Variants in DIAPH1 observed in about 807,000 individuals in gnomAD.
DIAPH1 encodes the protein diaphanous related formin 1, also known as protein diaphanous homolog 1.
DIAPH1 carries 46 observed loss-of-function variants against 140.7 expected under a neutral mutation model. That is an observed-to-expected ratio of 0.33 (90% CI 0.26 to 0.42). The LOEUF is 0.42. Among genes scored for constraint, DIAPH1 ranks in the 10% least tolerant of loss-of-function variants. The pLI, the probability that DIAPH1 is intolerant of heterozygous loss-of-function variation, is 1.00. For synonymous variants in DIAPH1, 565 were observed against 551.6 expected, an observed-to-expected ratio of 1.02 and a Z score of -0.34; for missense variants, 1,310 against 1,558.7, an observed-to-expected ratio of 0.84 and a Z score of 2.69.
chr5:141,524,388 A>G, intron 26 of DIAPH1, 159 bp from the exon 27 acceptor site: 1 of 712,734 alleles, frequency 1.4e-6, no homozygotes, highest in Non-Finnish European at 2.5e-6. Context: ...TAAGTCTCAC[A>G]CGCTCATGTT....
intron 1 of DIAPH1, chr5:141,588,995 G>A (rs1168577413): frequency 6.6e-6 from 1 of 152,520 alleles, no homozygotes; most frequent in Non-Finnish European, 1.5e-5. Context: ...TGAATCCTTG[G>A]ATAAAACAGA....
chr5:141,539,072 C>T (rs543555251), intron 18 of DIAPH1, among the ~76,000 whole-genome samples: 3 of 151,660 alleles, frequency 2.0e-5, no homozygotes, highest in East Asian at 2.0e-4. Context: ...GCCAGGAATT[C>T]GAGACCAGCT....
chr5:141,613,826 C>T (rs1026441402), intron 1 of DIAPH1, among the ~76,000 whole-genome samples: 4 of 152,120 alleles, frequency 2.6e-5, no homozygotes, highest in Non-Finnish European at 2.9e-5. Context: ...TTATTCTTTA[C>T]TTTTCAATTT....
chr5:141,525,354 T>C (rs397327), intron 26 of DIAPH1, among the ~76,000 whole-genome samples: 19,058 of 151,556 alleles, frequency 0.13, 1,297 homozygotes, highest in South Asian at 0.18. Context: ...GTGTGAGCAG[T>C]GTATGCTGTA....
chr5:141,606,001 T>G (rs925766080), intron 1 of DIAPH1, among the ~76,000 whole-genome samples: 5 of 152,202 alleles, frequency 3.3e-5, no homozygotes, highest in Non-Finnish European at 7.3e-5. Context: ...CCTCTAAGCC[T>G]GACACACATC....
At chr5:141,617,941 G>A (rs142913726) in intron 1 of DIAPH1, among the ~76,000 whole-genome samples, 3 of 152,338 alleles carry the variant, frequency 2.0e-5, no homozygotes, top group East Asian at 1.9e-4. Context: ...TAGAAAAGGA[G>A]TAGAGGAGAC....
chr5:141,616,820 AC>A lies in DIAPH1; in HGVS notation c.117+1977del, dbSNP rs776637175. ...ACTAACACCGCAGAAAGAAAAGAGA[AC>A]TTGGTTCAGCTCCATCCTCTCTAAA... On this transcript the variant is annotated intron_variant, in intron 1 of 27. Coordinates refer to ENST00000389054, the MANE Select transcript of DIAPH1 (RefSeq NM_005219.5). Among the ~76,000 whole-genome samples, 92 of 152,308 alleles carry A rather than the reference AC, an allele frequency of 6.0e-4. 3 individuals are homozygous for A. Among genetic ancestry groups the A allele is most frequent in the Non-Finnish European group, 1.6e-4 (11 of 68,020 alleles).
chr5:141,531,315 CT>C (rs374003670), intron 19 of DIAPH1, among the ~76,000 whole-genome samples: 180 of 144,598 alleles, frequency 1.2e-3, no homozygotes, highest in Non-Finnish European at 1.3e-3. Flanking sequence ...CTCTCTCTCT[CT>C]TTTTTTTTTT....
intron 1 of DIAPH1, among the ~76,000 whole-genome samples, chr5:141,610,792 T>C (rs1461581050): frequency 6.6e-6 from 1 of 151,516 alleles, no homozygotes; most frequent in African/African-American, 2.4e-5. Flanking sequence ...TAAAAAAAAT[T>C]AGGCCAGGTG....
chr5:141,605,654 C>T (rs776669383), intron 1 of DIAPH1, among the ~76,000 whole-genome samples: 2 of 152,196 alleles, frequency 1.3e-5, no homozygotes, highest in Non-Finnish European at 2.9e-5. Flanking sequence ...TCTAATTACA[C>T]GACTTTGAGC....
intron 18 of DIAPH1, chr5:141,564,123 C>T (rs1201876321): frequency 1.3e-5 from 2 of 152,190 alleles, no homozygotes; most frequent in African/African-American, 4.8e-5. Flanking sequence ...AGAACAAAAA[C>T]CTTTCCAGCC....
At chr5:141,561,359 G>GT (rs202019719) in intron 18 of DIAPH1, among the ~76,000 whole-genome samples, 20 of 149,444 alleles carry the variant, frequency 1.3e-4, no homozygotes, top group South Asian at 2.1e-4. Flanking sequence ...AGTGAAAAGA[G>GT]TTTTGTTTTT....
chr5:141,576,737 G>C lies in DIAPH1; in HGVS notation c.1396+19C>G. 1 of 1,487,088 alleles carries C rather than the reference G, an allele frequency of 6.7e-7. No individual in the cohort carries two copies. Among genetic ancestry groups the C allele is most frequent in the South Asian group, 1.1e-5 (1 of 88,564 alleles). The allele number at this position is 1,487,088 out of a possible 1,614,324, so 92.1% of individuals were successfully genotyped here. A position where few individuals can be genotyped will look rare whatever the true frequency, so the allele number is the denominator to read the frequency against. On this transcript the variant is annotated intron_variant, in intron 13 of 27. Transcript: ENST00000389054. ...GAAGAAGCAATACTTGGAGGAGCCAGATAGAAGAGTATGCTTACCAATTAA... is the reference window on the plus strand; with the variant it reads ...GAAGAAGCAATACTTGGAGGAGCCACATAGAAGAGTATGCTTACCAATTAA...
chr5:141,611,669 T>C (rs938755555), intron 1 of DIAPH1, among the ~76,000 whole-genome samples: 1 of 152,040 alleles, frequency 6.6e-6, no homozygotes, highest in African/African-American at 2.4e-5. Context: ...GGACGATACA[T>C]AGATAGCAAA....
At chr5:141,552,302 G>A (rs751777778) in intron 18 of DIAPH1, among the ~76,000 whole-genome samples, 5 of 151,794 alleles carry the variant, frequency 3.3e-5, no homozygotes, top group African/African-American at 4.8e-5. Context: ...CAATCCTCCC[G>A]CCTCAGCCTC....
At chr5:141,563,093 A>T (rs2099893842) in intron 18 of DIAPH1, 1 of 152,294 alleles carries the variant, frequency 6.6e-6, no homozygotes, top group Non-Finnish European at 1.5e-5. Flanking sequence ...GTGTTGTACA[A>T]GCCCCAGTCC....
chr5:141,566,871 G>T (rs1263391759), intron 18 of DIAPH1, among the ~76,000 whole-genome samples: 1 of 150,786 alleles, frequency 6.6e-6, no homozygotes, highest in Admixed American at 6.6e-5. Flanking sequence ...CTCCAGTCTG[G>T]GCAACAGAGC....
chr5:141,576,179 T>C, intron 14 of DIAPH1, 51 bp downstream of exon 14: 1 of 1,398,210 alleles, frequency 7.2e-7, no homozygotes, highest in Non-Finnish European at 1.0e-6. Context: ...AAAATAATAA[T>C]TCTCAAAGAA....
In DIAPH1 at chr5:141,515,489, T is replaced by A. The variant is rs2099885543; in HGVS notation, c.*1362A>T. ...GAGAGGGGCACAAGGAGGGCAAAAG[T>A]ATCACCCTAAGCCAGAGAATTGCAG... On this transcript the variant is annotated 3_prime_UTR_variant, in exon 28 of 28. Coordinates refer to ENST00000389054, the MANE Select transcript of DIAPH1 (RefSeq NM_005219.5). 1 of 152,208 alleles carries A rather than the reference T, an allele frequency of 6.6e-6. No individual in the cohort carries two copies. The highest frequency in any genetic ancestry group is 2.1e-4 in the South Asian group (1 of 4,824). 9.4% of individuals were successfully genotyped at this position (152,208 alleles called of 1,614,324 possible). A position where few individuals can be genotyped will look rare whatever the true frequency, so the allele number is the denominator to read the frequency against.
Sources: gnomAD v4.1 joint callset for allele counts (sites outside exome capture counted in the v4.1 genomes callset) on GRCh38, gnomAD v4.1.1 for gene constraint, MANE v1.5 for transcripts, NCBI Gene and HGNC (gene_info 2026-07-23, HGNC 2026-07-21) for gene names.